ADGRL3: variants seen among roughly 807,000 people sequenced by gnomAD.
ADGRL3 encodes calcium-independent alpha-latrotoxin receptor 3.
A neutral mutation model predicts 153.5 loss-of-function variants in ADGRL3; 62 were observed. The ratio of observed to expected loss-of-function variants is 0.40; its 90% CI spans 0.33 to 0.50. The LOEUF is 0.50. Ranked by LOEUF, ADGRL3 falls within the 20% of genes least tolerant of loss-of-function variation. The pLI is 0.47. For synonymous variants in ADGRL3, 710 were observed against 672.5 expected (o/e 1.06, Z -0.86); for missense variants, 1,641 against 1,859.4 (o/e 0.88, Z 2.16).
At chr4:62,018,434 G>C (rs2099223241) in intron 21 of ADGRL3, among the ~76,000 whole-genome samples, 1 of 152,104 alleles carries the variant, frequency 6.6e-6, no homozygotes, top group African/African-American at 2.4e-5. Flanking sequence ...AGTAGATACA[G>C]ATTTAGAGGA....
rs891892536 is a variant in ADGRL3, at chr4:61,201,163, G to A, written c.-842G>A. ...GCGGAAAGGGGAGGACGTGGAAGAA[G>A]AAAAAGAAAGAGAAGGGGGGTGGGG... is the stretch of plus-strand genomic sequence containing the variant. On this transcript the variant is annotated 5_prime_UTR_variant, in exon 1 of 27. Transcript: ENST00000683033. 1 of 150,694 alleles carries A rather than the reference G, an allele frequency of 6.6e-6. No individual in the cohort carries two copies. Among genetic ancestry groups the A allele is most frequent in the Non-Finnish European group, 1.5e-5 (1 of 67,734 alleles). 9.3% of individuals were successfully genotyped at this position (150,694 alleles called of 1,614,324 possible).
Position 61,466,463 on chromosome 4 carries a change from C to A in ADGRL3, c.-173-30658C>A, listed in dbSNP as rs138750629. On this transcript the variant is annotated intron_variant, in intron 2 of 26. Coordinates refer to ENST00000683033, the MANE Select transcript of ADGRL3 (RefSeq NM_001387552.1). ...CTATAATTCCATTGTAGAAATTATA[C>A]TTTGTCTGGTTTGCTAGAGCAGGAG... is the stretch of plus-strand genomic sequence containing the variant. Among the ~76,000 whole-genome samples, 1,133 of 152,200 alleles carry A rather than the reference C, an allele frequency of 7.4e-3. 13 individuals are homozygous for A. The highest frequency in any genetic ancestry group is 0.025 in the African/African-American group (1,042 of 41,534).
At chr4:62,025,085 CATAAGT>C (rs1489947180) in intron 21 of ADGRL3, among the ~76,000 whole-genome samples, 1 of 152,000 alleles carries the variant, frequency 6.6e-6, no homozygotes, top group East Asian at 1.9e-4. Flanking sequence ...AGATTTCTAT[CATAAGT>C]ATAACCATTT....
chr4:61,568,877 GTTC>G (rs2098827195), intron 4 of ADGRL3, among the ~76,000 whole-genome samples: 1 of 151,926 alleles, frequency 6.6e-6, no homozygotes, highest in African/African-American at 2.4e-5. Context: ...TTGAGATGAT[GTTC>G]ACCTATCTTG....
chr4:61,515,392 A>G (rs556041714), intron 3 of ADGRL3, among the ~76,000 whole-genome samples: 5 of 152,284 alleles, frequency 3.3e-5, no homozygotes, highest in African/African-American at 9.6e-5. Context: ...TAACCTTTAC[A>G]TAATACTCTA....
At chr4:62,026,140 A>G (rs1158499825) in intron 21 of ADGRL3, among the ~76,000 whole-genome samples, 1 of 152,150 alleles carries the variant, frequency 6.6e-6, no homozygotes, top group Non-Finnish European at 1.5e-5. Flanking sequence ...TGCTTTGTTA[A>G]TTATTGCACA....
At chr4:61,390,406 G>T (rs2096789016) in intron 2 of ADGRL3, among the ~76,000 whole-genome samples, 2 of 152,144 alleles carry the variant, frequency 1.3e-5, no homozygotes, top group South Asian at 4.1e-4. Flanking sequence ...CTGAATCAAG[G>T]ATGCTACGTT....
chr4:61,666,431 A>G (rs576225935), intron 5 of ADGRL3, among the ~76,000 whole-genome samples: 1 of 152,138 alleles, frequency 6.6e-6, no homozygotes, highest in East Asian at 1.9e-4. Context: ...ATTCAGTATG[A>G]CATTCCTTGT....
At chr4:62,034,629 G>A (rs188082537) in intron 23 of ADGRL3, among the ~76,000 whole-genome samples, 9 of 151,802 alleles carry the variant, frequency 5.9e-5, no homozygotes, top group African/African-American at 1.7e-4. Flanking sequence ...TCACTAATAT[G>A]CCATCACTGG....
chr4:61,474,810 T>G (rs1313262708), intron 2 of ADGRL3, among the ~76,000 whole-genome samples: 1 of 152,156 alleles, frequency 6.6e-6, no homozygotes, highest in Non-Finnish European at 1.5e-5. Flanking sequence ...ATAGTTCATT[T>G]GAGCACTATT....
chr4:61,890,448 G>A (rs377289925), intron 9 of ADGRL3, among the ~76,000 whole-genome samples: 6 of 152,016 alleles, frequency 3.9e-5, no homozygotes, highest in African/African-American at 1.4e-4. Flanking sequence ...AAGGTCAAGG[G>A]GCCCACAACT....
At chr4:61,410,160 T>TA (rs1304974009) in intron 2 of ADGRL3, among the ~76,000 whole-genome samples, 1 of 152,070 alleles carries the variant, frequency 6.6e-6, no homozygotes, top group Non-Finnish European at 1.5e-5. Context: ...TTTAATTTTT[T>TA]AAAAAATGAC....
chr4:61,869,974 GAA>G (rs2098432277), intron 9 of ADGRL3, among the ~76,000 whole-genome samples: 3 of 67,048 alleles, frequency 4.5e-5, no homozygotes, highest in Non-Finnish European at 6.2e-5. Context: ...GAGAGAGAGA[GAA>G]AGAGAGAGAG....
intron 6 of ADGRL3, among the ~76,000 whole-genome samples, chr4:61,707,107 C>T (rs1283785981): frequency 6.6e-6 from 1 of 152,118 alleles, no homozygotes. Context: ...CAGGAAATGG[C>T]TGATCAGTAG....
chr4:61,754,530 T>C (rs984358978), intron 8 of ADGRL3, among the ~76,000 whole-genome samples: 75 of 152,046 alleles, frequency 4.9e-4, no homozygotes, highest in Middle Eastern at 3.4e-3. Context: ...TTTAGTTCCA[T>C]GTAATTAATT....
intron 5 of ADGRL3, among the ~76,000 whole-genome samples, chr4:61,603,335 T>C (rs1310918088): frequency 2.0e-5 from 3 of 152,162 alleles, no homozygotes; most frequent in Non-Finnish European, 2.9e-5. Flanking sequence ...ACTATCAAAC[T>C]CTTAGGGAAG....
At chr4:61,264,824 T>C (rs1369919991) in intron 1 of ADGRL3, among the ~76,000 whole-genome samples, 1 of 151,958 alleles carries the variant, frequency 6.6e-6, no homozygotes, top group African/African-American at 2.4e-5. Flanking sequence ...GTATTGAAAG[T>C]ATACATTATG....
intron 9 of ADGRL3, among the ~76,000 whole-genome samples, chr4:61,870,054 G>A (rs1285447646): frequency 1.4e-5 from 2 of 147,246 alleles, no homozygotes; most frequent in African/African-American, 5.0e-5. Flanking sequence ...GAAAAGAAAG[G>A]AAAAAACGTA....
intron 4 of ADGRL3, among the ~76,000 whole-genome samples, chr4:61,539,804 A>C (rs1261620394): frequency 1.3e-5 from 2 of 151,948 alleles, no homozygotes; most frequent in Non-Finnish European, 2.9e-5. Context: ...GGGAGCAGAG[A>C]AGCACCCCCA....
Sources: allele counts gnomAD v4.1 joint callset (sites outside exome capture counted in the v4.1 genomes callset), GRCh38; gene constraint gnomAD v4.1.1; transcripts MANE v1.5; gene names NCBI Gene and HGNC (gene_info 2026-07-23, HGNC 2026-07-21).